Variants in PIP4K2B observed in about 807,000 individuals in gnomAD.
PIP4K2B encodes phosphatidylinositol-5-phosphate 4-kinase type 2 beta, also known as phosphatidylinositol 5-phosphate 4-kinase type-2 beta.
Under a neutral mutation model 42.0 loss-of-function variants are expected in PIP4K2B, and 3 were observed. The observed-to-expected ratio is 0.07, with a 90% CI of 0.03 to 0.18. The LOEUF is 0.18. Among genes scored for constraint, PIP4K2B ranks in the 10% least tolerant of loss-of-function variants. The pLI, the probability that PIP4K2B is intolerant of heterozygous loss-of-function variation, is 1.00. For synonymous variants in PIP4K2B, 204 were observed against 210.1 expected (o/e 0.97, Z 0.25); for missense variants, 332 against 562.3 (o/e 0.59, Z 4.14).
At chr17:38,778,634 C>T (rs1218597806) in intron 5 of PIP4K2B, among the ~76,000 whole-genome samples, 1 of 152,198 alleles carries the variant, frequency 6.6e-6, no homozygotes, top group Non-Finnish European at 1.5e-5. Context: ...ACAGGGGAGA[C>T]AGATATTCAG....
chr17:38,777,215 C>T (rs1159164495), intron 7 of PIP4K2B, among the ~76,000 whole-genome samples: 1 of 152,062 alleles, frequency 6.6e-6, no homozygotes, highest in Non-Finnish European at 1.5e-5. Context: ...AGGTGTGTGC[C>T]CCTACGCCTG....
chr17:38,771,644 T>G (rs111821196), intron 7 of PIP4K2B, among the ~76,000 whole-genome samples: 1 of 147,264 alleles, frequency 6.8e-6, no homozygotes, highest in Admixed American at 6.8e-5. Context: ...AGGCCAAGGA[T>G]GAAGAGGAGT....
chr17:38,791,836 T>C (rs1910358029), intron 1 of PIP4K2B, among the ~76,000 whole-genome samples: 1 of 151,016 alleles, frequency 6.6e-6, no homozygotes, highest in Non-Finnish European at 1.5e-5. Context: ...ACGCCTGTAA[T>C]TCCAGCACTT....
chr17:38,774,686 C>T (rs922023656), intron 7 of PIP4K2B, among the ~76,000 whole-genome samples: 4 of 151,674 alleles, frequency 2.6e-5, no homozygotes, highest in South Asian at 2.1e-4. Context: ...AGGAGAATGG[C>T]GTGAACCCGG....
At position 38,766,697 on chromosome 17, in the gene PIP4K2B, G is replaced by A. The variant is rs1215000951; in HGVS notation, c.*2994C>T. 6.5e-6 allele frequency: 1 copy of A among 152,788 alleles called. No individual in the cohort carries two copies. The highest frequency in any genetic ancestry group is 1.5e-5 in the Non-Finnish European group (1 of 68,144). The allele number at this position is 152,788 out of a possible 1,614,324, so 9.5% of individuals were successfully genotyped here. ...CCTGCCACAGACCAGCAACCCCTGAGCTAAAGAAGGAGAGGTGGAGCACTG... is the reference window on the plus strand; with the variant it reads ...CCTGCCACAGACCAGCAACCCCTGAACTAAAGAAGGAGAGGTGGAGCACTG... On this transcript the variant is annotated 3_prime_UTR_variant, in exon 10 of 10. Transcript: ENST00000619039.
rs1210711274 is a variant in PIP4K2B at position 38,765,807 on chromosome 17, A to G, written c.*3884T>C. The G allele has an allele frequency of 1.3e-5, 2 of 152,682 alleles. No individual in the cohort carries two copies. Among genetic ancestry groups the G allele is most frequent in the East Asian group, 3.8e-4 (2 of 5,202 alleles). 9.5% of individuals were successfully genotyped at this position (152,682 alleles called of 1,614,324 possible). On this transcript the variant is annotated 3_prime_UTR_variant, in exon 10 of 10. Coordinates refer to ENST00000619039, the MANE Select transcript of PIP4K2B (RefSeq NM_003559.5). ...TTTTTAAAGCAGACGTTAGACAAGC[A>G]CAGGGGATTGAAAATTCCCATTTAA... is the stretch of plus-strand genomic sequence containing the variant.
rs769690322 is a variant in PIP4K2B, at chr17:38,786,894, A to C, written c.186T>G (p.Val62=). 1.2e-6 allele frequency: 2 copies of C among 1,613,218 alleles called. No homozygotes were observed. Among genetic ancestry groups the C allele is most frequent in the Non-Finnish European group, 1.7e-6 (2 of 1,179,142 alleles). ...HTINELSNVP[V]PVMLMPDDFK... is the part of the protein sequence containing the mutation. ...AGTCATCTGGCATTAGCATGACAGG[A>C]ACAGGAACATTGCTCAGCTCATTGA... Residue 62 remains valine (V), a synonymous_variant, in exon 2 of 10, where the codon GTT becomes GTG. Coordinates refer to ENST00000619039, the MANE Select transcript of PIP4K2B (RefSeq NM_003559.5).
intron 4 of PIP4K2B, among the ~76,000 whole-genome samples, chr17:38,780,229 A>G (rs1909620252): frequency 2.0e-5 from 3 of 152,156 alleles, no homozygotes; most frequent in African/African-American, 7.2e-5. Flanking sequence ...ACACTTTCCA[A>G]CTGGGAGTCA....
intron 1 of PIP4K2B, among the ~76,000 whole-genome samples, chr17:38,795,102 A>C: frequency 1.1e-5 from 1 of 93,252 alleles, no homozygotes; most frequent in African/African-American, 4.5e-5. Flanking sequence ...TCCATCTCAA[A>C]AAAAAAAAAA....
intron 7 of PIP4K2B, among the ~76,000 whole-genome samples, chr17:38,773,245 C>T (rs1909145263): frequency 6.6e-6 from 1 of 151,996 alleles, no homozygotes; most frequent in African/African-American, 2.4e-5. Context: ...ACTATGTCAT[C>T]GACTTTTCAG....
rs531504279 is a variant in PIP4K2B, at chr17:38,793,749, T to C, written c.159+5517A>G. On this transcript the variant is annotated intron_variant, in intron 1 of 9. Transcript: ENST00000619039. Reference sequence around the variant, plus strand: ...AGTCGGGTGTGGTGGCATGTGCCTGTAGTCCCAGCTACTCGGGTGGCTAAG... The same window carrying C: ...AGTCGGGTGTGGTGGCATGTGCCTGCAGTCCCAGCTACTCGGGTGGCTAAG... Among the ~76,000 whole-genome samples, 219 of 152,184 alleles carry C rather than the reference T, an allele frequency of 1.4e-3. 2 individuals carry two copies. The highest frequency in any genetic ancestry group is 4.6e-3 in the African/African-American group (193 of 41,540).
At chr17:38,786,095 G>C (rs774426182) in intron 2 of PIP4K2B, among the ~76,000 whole-genome samples, 10 of 152,214 alleles carry the variant, frequency 6.6e-5, no homozygotes, top group Non-Finnish European at 1.2e-4. Context: ...ATGGTGGGGT[G>C]ACAGAACCCA....
chr17:38,789,465 G>T (rs186197005), intron 1 of PIP4K2B, among the ~76,000 whole-genome samples: 2 of 152,176 alleles, frequency 1.3e-5, no homozygotes, highest in African/African-American at 4.8e-5. Context: ...TAATGGACTG[G>T]GGGGAGGGGG....
intron 1 of PIP4K2B, among the ~76,000 whole-genome samples, chr17:38,797,246 G>A (rs1268926987): frequency 1.3e-5 from 2 of 152,152 alleles, no homozygotes; most frequent in Non-Finnish European, 2.9e-5. Flanking sequence ...CTCCTGACTC[G>A]TGATACCTAA....
intron 9 of PIP4K2B, 93 bp downstream of exon 9, chr17:38,770,343 G>A (rs1908943073): frequency 1.3e-6 from 1 of 746,946 alleles, no homozygotes; most frequent in South Asian, 1.6e-5. Context: ...GTTCCTTGGA[G>A]CAGGAGGCCT....
chr17:38,780,325 C>T (rs556188350), intron 4 of PIP4K2B, 127 bp downstream of exon 4: 22 of 722,260 alleles, frequency 3.0e-5, no homozygotes, highest in African/African-American at 2.8e-4. Context: ...GAGAGTCCCA[C>T]TGCTTGGTGA....
rs912027772 is a variant in PIP4K2B at position 38,767,526 on chromosome 17, T to A, written c.*2165A>T. 37 of 151,462 alleles carry A rather than the reference T, an allele frequency of 2.4e-4. No individual in the cohort carries two copies. Among genetic ancestry groups the A allele is most frequent in the African/African-American group, 9.0e-4 (37 of 41,168 alleles). 9.4% of individuals were successfully genotyped at this position (151,462 alleles called of 1,614,324 possible). ...AAACAATATACAAAACACACAAACA[T>A]ACACACACACACACAAACTCAATGT... On this transcript the variant is annotated 3_prime_UTR_variant, in exon 10 of 10. Transcript: ENST00000619039.
chr17:38,786,735 G>C, intron 2 of PIP4K2B, 88 bp downstream of exon 2: 1 of 842,336 alleles, frequency 1.2e-6, no homozygotes, highest in Non-Finnish European at 2.1e-6. Flanking sequence ...TGCTGCCTTG[G>C]CTCCCACCAT....
In PIP4K2B at chr17:38,795,190, A is replaced by G. The variant is rs898144481; in HGVS notation, c.159+4076T>C. On this transcript the variant is annotated intron_variant, in intron 1 of 9. Coordinates refer to ENST00000619039, the MANE Select transcript of PIP4K2B (RefSeq NM_003559.5). ...TTGCAAATCATATATCTGATAAGGG[A>G]CCTGTATCTAGAATATAAAAAGAAT... Among the ~76,000 whole-genome samples, 2 of 151,792 alleles carry G rather than the reference A, an allele frequency of 1.3e-5. 1 individual carries two copies. The highest frequency in any genetic ancestry group is 4.1e-4 in the South Asian group (2 of 4,822).
Sources: gnomAD v4.1 joint callset for allele counts (sites outside exome capture counted in the v4.1 genomes callset) on GRCh38, gnomAD v4.1.1 for gene constraint, MANE v1.5 for transcripts, NCBI Gene and HGNC (gene_info 2026-07-23, HGNC 2026-07-21) for gene names.